Variants in ATP9B observed in about 807,000 individuals in gnomAD.
The protein encoded by ATP9B is ATPase phospholipid transporting 9B, also known as probable phospholipid-transporting ATPase IIB.
In ATP9B, 110 loss-of-function variants were observed where a neutral mutation model predicts 146.1. The observed-to-expected ratio is 0.75, with a 90% confidence interval of 0.65 to 0.88. The LOEUF is 0.88. Ranked by LOEUF, ATP9B falls within the 40% of genes least tolerant of loss-of-function variation. The pLI is 0.00. For missense variants in ATP9B, 1,499 were observed against 1,496.4 expected (o/e 1.00, Z -0.03); for synonymous variants, 604 against 569.7 (o/e 1.06, Z -0.86).
chr18:79,373,950 C>T lies in ATP9B; in HGVS notation c.3123C>T (p.His1041=), dbSNP rs184010072. 2.5e-5 allele frequency: 40 copies of T among 1,613,816 alleles called. No homozygotes were observed. The African/African-American group carries it at 3.3e-4, about 13-fold the overall frequency. Residue 1041 remains histidine (H), a synonymous_variant, in exon 28 of 30, where the codon CAC becomes CAT. Transcript: ENST00000426216. ...ALVLFESEFV[H]VVAISFTALI... is the part of the protein sequence containing the mutation. ...TGCTCTTCGAGTCTGAGTTCGTCCA[C>T]GTGGTGGCCATCTCCTTCACCGCAC... is the stretch of plus-strand genomic sequence containing the variant.
intron 8 of ATP9B, among the ~76,000 whole-genome samples, chr18:79,189,523 G>T (rs1448218668): frequency 6.6e-6 from 1 of 152,070 alleles, no homozygotes; most frequent in Admixed American, 6.5e-5. Flanking sequence ...CTGTTCACTG[G>T]AAACCTTGCC....
chr18:79,186,801 G>A (rs1007001069), intron 8 of ATP9B, among the ~76,000 whole-genome samples: 2 of 152,192 alleles, frequency 1.3e-5, no homozygotes, highest in Non-Finnish European at 2.9e-5. Flanking sequence ...CCTTCCTGCA[G>A]CCTCTGTTCT....
chr18:79,322,098 C>A (rs2096719311), intron 15 of ATP9B, among the ~76,000 whole-genome samples: 1 of 152,150 alleles, frequency 6.6e-6, no homozygotes, highest in South Asian at 2.1e-4. Flanking sequence ...TGGCTGACCC[C>A]CACGTGCCTT....
chr18:79,135,413 A>G (rs2094435764), intron 5 of ATP9B, among the ~76,000 whole-genome samples: 1 of 152,114 alleles, frequency 6.6e-6, no homozygotes, highest in Admixed American at 6.5e-5. Context: ...TTCTTCTCTG[A>G]ATGTGCCTTC....
At position 79,096,493 on chromosome 18, in the gene ATP9B, A is replaced by G. The variant is rs1404564575; in HGVS notation, c.137A>G (p.Glu46Gly). Reference protein sequence around the residue: ...DRHSRYQLEDESAHLDEMPLM... With the variant: ...DRHSRYQLEDGSAHLDEMPLM... ...CTAACTAGGTACCAGCTGGAGGATG[A>G]GTCTGCGCATTTGGATGAAATGCCA... Residue 46 changes from glutamate (E) to glycine (G), a missense_variant, in exon 2 of 30, where the codon GAG becomes GGG. By Grantham distance (98) the Glu-to-Gly change is moderately conservative (BLOSUM62 -2). Coordinates refer to ENST00000426216, the MANE Select transcript of ATP9B (RefSeq NM_198531.5). The G allele has an allele frequency of 1.9e-6, 3 of 1,614,034 alleles. No individual in the cohort carries two copies. Among genetic ancestry groups the G allele is most frequent in the Admixed American group, 3.3e-5 (2 of 59,998 alleles).
At chr18:79,092,749 T>C (rs2074449046) in intron 1 of ATP9B, among the ~76,000 whole-genome samples, 1 of 151,696 alleles carries the variant, frequency 6.6e-6, no homozygotes, top group Non-Finnish European at 1.5e-5. Context: ...CTCCGCATTA[T>C]GTCACTGGGA....
chr18:79,235,921 G>GCTTTTT (rs2095837612), intron 11 of ATP9B, among the ~76,000 whole-genome samples: 1 of 152,010 alleles, frequency 6.6e-6, no homozygotes, highest in African/African-American at 2.4e-5. Flanking sequence ...TGGGTTCTTT[G>GCTTTTT]GGCTTTTTGC....
chr18:79,321,150 A>G (rs1289798786), intron 15 of ATP9B, among the ~76,000 whole-genome samples: 4 of 152,218 alleles, frequency 2.6e-5, no homozygotes, highest in African/African-American at 9.6e-5. Context: ...TCAAATCCCC[A>G]CACTTACGTG....
At chr18:79,167,426 G>A (rs531709039) in intron 7 of ATP9B, among the ~76,000 whole-genome samples, 25 of 152,228 alleles carry the variant, frequency 1.6e-4, no homozygotes, top group South Asian at 1.5e-3. Flanking sequence ...GAGGAGACCC[G>A]GAGTAGGTAG....
At chr18:79,297,105 AAG>A (rs2096556052) in intron 13 of ATP9B, among the ~76,000 whole-genome samples, 1 of 138,004 alleles carries the variant, frequency 7.2e-6, no homozygotes, top group Non-Finnish European at 1.6e-5. Context: ...ACCCAGAGAG[AAG>A]ACACAGACGA....
intron 9 of ATP9B, among the ~76,000 whole-genome samples, chr18:79,199,917 A>G (rs1020221872): frequency 1.3e-5 from 2 of 152,166 alleles, no homozygotes; most frequent in African/African-American, 4.8e-5. Context: ...CAGGATAACA[A>G]TGTGTTTTTC....
chr18:79,264,673 T>TG (rs112291596), intron 12 of ATP9B, among the ~76,000 whole-genome samples: 3 of 27,762 alleles, frequency 1.1e-4, no homozygotes, highest in East Asian at 2.4e-3. Context: ...GTGTTTTTTG[T>TG]TTTTTTTTTT....
At chr18:79,297,044 AG>A (rs1480514548) in intron 13 of ATP9B, among the ~76,000 whole-genome samples, 1 of 150,910 alleles carries the variant, frequency 6.6e-6, no homozygotes, top group East Asian at 2.0e-4. Context: ...GAAGACAGAG[AG>A]ATGACCCAGA....
intron 9 of ATP9B, among the ~76,000 whole-genome samples, chr18:79,198,442 G>A (rs999277622): frequency 1.3e-5 from 2 of 152,174 alleles, no homozygotes; most frequent in Admixed American, 1.3e-4. Context: ...AAACATTTAT[G>A]CACTAATAAC....
At chr18:79,343,824 C>T (rs1031205437) in intron 20 of ATP9B, 4 of 248,404 alleles carry the variant, frequency 1.6e-5, no homozygotes, top group Middle Eastern at 1.4e-3. Flanking sequence ...GCCAGCCTAC[C>T]CTGGCCTGTT....
At chr18:79,371,413 C>G (rs890249659) in intron 26 of ATP9B, among the ~76,000 whole-genome samples, 4 of 146,906 alleles carry the variant, frequency 2.7e-5, no homozygotes, top group African/African-American at 1.0e-4. Flanking sequence ...AGTAGTGCTT[C>G]TTCGTCACAG....
At chr18:79,200,262 C>T (rs886093267) in intron 9 of ATP9B, among the ~76,000 whole-genome samples, 6 of 152,144 alleles carry the variant, frequency 3.9e-5, no homozygotes, top group Admixed American at 2.0e-4. Flanking sequence ...TTGTGCCATC[C>T]ACTGTCTACT....
intron 8 of ATP9B, among the ~76,000 whole-genome samples, chr18:79,183,783 G>GTTT (rs2095276467): frequency 8.9e-6 from 1 of 112,568 alleles, no homozygotes; most frequent in Non-Finnish European, 1.7e-5. Flanking sequence ...TTTTTTTTTA[G>GTTT]TTTAAAGTTA....
intron 8 of ATP9B, among the ~76,000 whole-genome samples, chr18:79,189,898 T>C (rs1399054953): frequency 6.6e-6 from 1 of 152,204 alleles, no homozygotes; most frequent in Non-Finnish European, 1.5e-5. Context: ...GCCATGGTAT[T>C]ACGCCAAACA....
Sources: allele counts gnomAD v4.1 joint callset (sites outside exome capture counted in the v4.1 genomes callset), GRCh38; gene constraint gnomAD v4.1.1; transcripts MANE v1.5; gene names NCBI Gene and HGNC (gene_info 2026-07-23, HGNC 2026-07-21).